PSMA8: variants seen among roughly 807,000 people sequenced by gnomAD.
PSMA8 encodes proteasome 20S subunit alpha 8.
A neutral mutation model predicts 32.4 loss-of-function variants in PSMA8; 18 were observed. That is an observed-to-expected ratio of 0.56 (90% CI 0.38 to 0.82). The LOEUF (loss-of-function observed/expected upper bound fraction) is 0.82, where lower values mean the gene tolerates loss of function less well. Ranked by LOEUF, PSMA8 falls within the 40% of genes least tolerant of loss-of-function variation. PSMA8 has a pLI of 0.00. For missense variants in PSMA8, 298 were observed against 300.7 expected, an observed-to-expected ratio of 0.99 and a Z score of 0.07; for synonymous variants, 104 against 98.1, an observed-to-expected ratio of 1.06 and a Z score of -0.36.
chr18:26,148,519 A>G (rs1047379728), intron 2 of PSMA8, among the ~76,000 whole-genome samples: 1 of 152,168 alleles, frequency 6.6e-6, no homozygotes, highest in Non-Finnish European at 1.5e-5. Context: ...TCACCACAAC[A>G]TAATTCAGGC....
chr18:26,183,134 G>A (rs2055325909), intron 6 of PSMA8, among the ~76,000 whole-genome samples: 1 of 149,706 alleles, frequency 6.7e-6, no homozygotes, highest in Non-Finnish European at 1.5e-5. Flanking sequence ...GCTCATGCTT[G>A]TAATCCCAGC....
rs73405464 is a variant in PSMA8, at chr18:26,144,711, G to A, written c.229+26G>A. On this transcript the variant is annotated intron_variant, in intron 2 of 6. Transcript: ENST00000415576. ...GTACTTAAGGTCCTACAATAATGAT[G>A]CATAGTGTCTTACTGTAGTAGGGCA... 2,012 of 1,610,924 alleles carry A rather than the reference G, an allele frequency of 1.2e-3. 30 individuals are homozygous for A. The African/African-American group carries it at 0.024, about 19-fold the overall frequency.
At position 26,192,940 on chromosome 18, in the gene PSMA8, A is replaced by G. The variant is rs1404434516; in HGVS notation, c.*529A>G. 2 of 152,006 alleles carry G rather than the reference A, an allele frequency of 1.3e-5. No homozygotes were observed. The highest frequency in any genetic ancestry group is 2.9e-5 in the Non-Finnish European group (2 of 67,994). The allele number at this position is 152,006 out of a possible 1,614,324, so 9.4% of individuals were successfully genotyped here. On this transcript the variant is annotated 3_prime_UTR_variant, in exon 7 of 7. Transcript: ENST00000415576. ...TATTTTACCTTTTTCATTTTACAAT[A>G]TTTCGTTATTTTTATTTTACCTTTT...
At chr18:26,178,523 C>A (rs539103065) in intron 4 of PSMA8, among the ~76,000 whole-genome samples, 16 of 151,780 alleles carry the variant, frequency 1.1e-4, no homozygotes, top group Non-Finnish European at 1.9e-4. Flanking sequence ...CACTTAAGCC[C>A]AGAAGATCAA....
At chr18:26,161,613 C>T (rs1056194241) in intron 4 of PSMA8, among the ~76,000 whole-genome samples, 5 of 152,204 alleles carry the variant, frequency 3.3e-5, no homozygotes, top group Non-Finnish European at 5.9e-5. Context: ...TGGTGCATGG[C>T]AGTAGTCCTA....
intron 2 of PSMA8, among the ~76,000 whole-genome samples, chr18:26,145,504 C>G (rs1416770445): frequency 1.3e-5 from 2 of 152,226 alleles, no homozygotes; most frequent in Non-Finnish European, 2.9e-5. Context: ...TCCATCACCA[C>G]AAGACTACCT....
At chr18:26,163,193 G>A (rs1221103725) in intron 4 of PSMA8, among the ~76,000 whole-genome samples, 4 of 135,738 alleles carry the variant, frequency 2.9e-5, no homozygotes, top group African/African-American at 8.5e-5. Context: ...ATAAAAGGTG[G>A]TGTGTGTTTA....
rs1322942295 is a variant in PSMA8 at position 26,133,887 on chromosome 18, G to A, written c.-79G>A. Reference sequence around the variant, plus strand: ...TGGAAGCGCTTCCGGGCGGTAGCACGCTGTGTTGGCGGCGGCTCCCCGCTT... The same window carrying A: ...TGGAAGCGCTTCCGGGCGGTAGCACACTGTGTTGGCGGCGGCTCCCCGCTT... On this transcript the variant is annotated 5_prime_UTR_variant, in exon 1 of 7. Coordinates refer to ENST00000415576, the MANE Select transcript of PSMA8 (RefSeq NM_001025096.2). 4.0e-6 allele frequency: 5 copies of A among 1,248,632 alleles called. No homozygotes were observed. Among genetic ancestry groups the A allele is most frequent in the East Asian group, 2.3e-5 (1 of 42,560 alleles). 77.3% of individuals were successfully genotyped at this position (1,248,632 alleles called of 1,614,324 possible).
intron 1 of PSMA8, among the ~76,000 whole-genome samples, chr18:26,134,644 A>G (rs2054896669): frequency 6.6e-6 from 1 of 152,214 alleles, no homozygotes; most frequent in Non-Finnish European, 1.5e-5. Flanking sequence ...AACACAGTTC[A>G]AACACACGCG....
chr18:26,176,270 A>T (rs1457397058), intron 4 of PSMA8, among the ~76,000 whole-genome samples: 1 of 152,198 alleles, frequency 6.6e-6, no homozygotes, highest in Non-Finnish European at 1.5e-5. Flanking sequence ...GGGTGACTTT[A>T]AAGGCCCAGT....
At chr18:26,146,123 T>A (rs1274625680) in intron 2 of PSMA8, among the ~76,000 whole-genome samples, 1 of 151,414 alleles carries the variant, frequency 6.6e-6, no homozygotes, top group African/African-American at 2.4e-5. Flanking sequence ...CTTATTTTTA[T>A]GTGCTTATTT....
intron 4 of PSMA8, among the ~76,000 whole-genome samples, chr18:26,163,191 T>G (rs2055148742): frequency 1.6e-5 from 2 of 124,396 alleles, no homozygotes; most frequent in Admixed American, 8.4e-5. Context: ...ATATAAAAGG[T>G]GGTGTGTGTT....
chr18:26,137,448 A>T (rs896352089), intron 1 of PSMA8, among the ~76,000 whole-genome samples: 2 of 150,818 alleles, frequency 1.3e-5, no homozygotes, highest in African/African-American at 5.0e-5. Context: ...ACAGAGTGAG[A>T]ATCTGTCTCA....
At chr18:26,191,426 C>T (rs1454743324) in intron 6 of PSMA8, among the ~76,000 whole-genome samples, 1 of 151,744 alleles carries the variant, frequency 6.6e-6, no homozygotes, top group Non-Finnish European at 1.5e-5. Context: ...GTCAGGAGTT[C>T]AAGACCAGCC....
chr18:26,136,522 A>T (rs1043207186), intron 1 of PSMA8, among the ~76,000 whole-genome samples: 1 of 152,122 alleles, frequency 6.6e-6, no homozygotes, highest in Admixed American at 6.6e-5. Context: ...AAAGGGGAAA[A>T]CACCTTTCTT....
rs2055414094 is a variant in PSMA8, at chr18:26,192,711, A to T, written c.*300A>T. 6.3e-6 allele frequency: 1 copy of T among 159,570 alleles called. No homozygotes were observed. The highest frequency in any genetic ancestry group is 6.5e-5 in the Admixed American group (1 of 15,472). The allele number at this position is 159,570 out of a possible 1,614,324, so 9.9% of individuals were successfully genotyped here. ...TACTTACCTTCATATATGCAAATAT[A>T]ATTTTAAAAAATTTTTTAATTAAAA... On this transcript the variant is annotated 3_prime_UTR_variant, in exon 7 of 7. Transcript: ENST00000415576.
At chr18:26,185,012 G>A (rs550206012) in intron 6 of PSMA8, among the ~76,000 whole-genome samples, 1 of 146,946 alleles carries the variant, frequency 6.8e-6, no homozygotes, top group East Asian at 2.1e-4. Flanking sequence ...CGCTTGAACC[G>A]GGAGACAGAG....
chr18:26,143,883 G>C (rs766738196), intron 1 of PSMA8, among the ~76,000 whole-genome samples: 1 of 151,922 alleles, frequency 6.6e-6, no homozygotes, highest in East Asian at 1.9e-4. Flanking sequence ...CACTATGCCC[G>C]GCTAATTTTT....
chr18:26,178,529 A>G (rs1189396430), intron 4 of PSMA8, among the ~76,000 whole-genome samples: 2 of 152,182 alleles, frequency 1.3e-5, no homozygotes, highest in Middle Eastern at 3.4e-3. Flanking sequence ...AGCCCAGAAG[A>G]TCAAAGCTGC....
Sources: gnomAD v4.1 joint callset for allele counts (sites outside exome capture counted in the v4.1 genomes callset) on GRCh38, gnomAD v4.1.1 for gene constraint, MANE v1.5 for transcripts, NCBI Gene and HGNC (gene_info 2026-07-23, HGNC 2026-07-21) for gene names.